The following CKAP2L variants were observed in gnomAD, a reference collection of about 807,000 sequenced individuals.
The protein encoded by CKAP2L is cytoskeleton associated protein 2L, also known as cytoskeleton-associated protein 2-like.
A neutral mutation model predicts 65.7 loss-of-function variants in CKAP2L; 42 were observed. That is an observed-to-expected ratio of 0.64 (90% CI 0.50 to 0.83). The LOEUF (loss-of-function observed/expected upper bound fraction) is 0.83, where lower values mean the gene tolerates loss of function less well. Among genes scored for constraint, CKAP2L ranks in the 40% least tolerant of loss-of-function variants. CKAP2L has a pLI of 0.00. For synonymous variants in CKAP2L, 325 were observed against 313.5 expected (o/e 1.04, Z -0.39); for missense variants, 908 against 871.0 (o/e 1.04, Z -0.53).
intron 5 of CKAP2L, among the ~76,000 whole-genome samples, chr2:112,749,401 T>C (rs1297286724): frequency 1.3e-5 from 2 of 152,236 alleles, no homozygotes; most frequent in Admixed American, 1.3e-4. Flanking sequence ...TTAATCACAG[T>C]GCCAGTGACA....
Position 112,746,577 on chromosome 2 carries a change from T to C in CKAP2L, c.1603-2A>G. 2.5e-6 allele frequency: 4 copies of C among 1,601,072 alleles called. No individual in the cohort carries two copies. Among genetic ancestry groups the C allele is most frequent in the Non-Finnish European group, 2.6e-6 (3 of 1,170,528 alleles). ...AAGTATTTCATTAGAAGGTACACCCTGAAATAAACCAAAATATCCAGAGGT... is the reference window on the plus strand; with the variant it reads ...AAGTATTTCATTAGAAGGTACACCCCGAAATAAACCAAAATATCCAGAGGT... On this transcript the variant is annotated splice_acceptor_variant, in intron 5 of 8. Coordinates refer to ENST00000302450, the MANE Select transcript of CKAP2L (RefSeq NM_152515.5). LOFTEE classifies it high-confidence loss of function.
At chr2:112,757,311 C>G in intron 3 of CKAP2L, 97 bp from the exon 4 acceptor site, 5 of 806,716 alleles carry the variant, frequency 6.2e-6, no homozygotes, top group Non-Finnish European at 7.2e-6. Context: ...AAAAAATAAT[C>G]ATTTTTAGAA....
At chr2:112,762,271 C>T (rs1680745815) in intron 2 of CKAP2L, among the ~76,000 whole-genome samples, 1 of 152,208 alleles carries the variant, frequency 6.6e-6, no homozygotes, top group African/African-American at 2.4e-5. Flanking sequence ...CCCTTCTTCC[C>T]TCCTTCCTTT....
At position 112,738,679 on chromosome 2, in the gene CKAP2L, AG is replaced by A; in HGVS notation, c.*143del. ...TTCCCATGGGGAGAGAAAATTTGAG[AG>A]TAAGCCCAGTGAATTACTTAAGTCC... On this transcript the variant is annotated 3_prime_UTR_variant, in exon 9 of 9. Transcript: ENST00000302450. 1 of 624,654 alleles carries A rather than the reference AG, an allele frequency of 1.6e-6. No individual in the cohort carries two copies. Among genetic ancestry groups the A allele is most frequent in the South Asian group, 2.0e-5 (1 of 49,456 alleles). The allele number at this position is 624,654 out of a possible 1,614,324, so 38.7% of individuals were successfully genotyped here.
Position 112,756,048 on chromosome 2 carries a change from A to C in CKAP2L, c.1323T>G (p.Ala441=). The C allele has an allele frequency of 6.2e-7, 1 of 1,613,414 alleles. No individual in the cohort carries two copies. The highest frequency in any genetic ancestry group is 2.2e-5 in the East Asian group (1 of 44,882). The change falls in exon 4 of 9, where the codon GCT becomes GCG. Residue 441 remains alanine (A), a synonymous_variant. Coordinates refer to ENST00000302450, the MANE Select transcript of CKAP2L (RefSeq NM_152515.5). ...GGGTCCCATTTACGGTTGTGACATC[A>C]GCTTGAGTTTTGGGAGCTGTCTTGT... ...FLNKTAPKTQ[A]DVTTVNGTQT...
intron 3 of CKAP2L, among the ~76,000 whole-genome samples, chr2:112,759,098 T>C (rs1383038684): frequency 6.6e-6 from 1 of 152,228 alleles, no homozygotes; most frequent in Non-Finnish European, 1.5e-5. Flanking sequence ...CTTTTTAAAA[T>C]TAACTTTTTT....
Position 112,756,346 on chromosome 2 carries a change from C to T in CKAP2L, c.1025G>A (p.Gly342Asp). The T allele has an allele frequency of 3.1e-6, 5 of 1,613,552 alleles. No homozygotes were observed. The highest frequency in any genetic ancestry group is 3.4e-6 in the Non-Finnish European group (4 of 1,179,734). ...KPRTYPSLLQ[G>D]EYNNRHPNIK... ...GTTTGGATGTCTGTTGTTATATTCA[C>T]CCTGAAGCAAACTGGGGTATGTTCT... Residue 342 changes from glycine to aspartate, a missense_variant, in exon 4 of 9, where the codon GGT becomes GAT. Transcript: ENST00000302450.
At chr2:112,747,343 T>C (rs1186318022) in intron 5 of CKAP2L, among the ~76,000 whole-genome samples, 2 of 131,398 alleles carry the variant, frequency 1.5e-5, no homozygotes, top group African/African-American at 6.4e-5. Context: ...CATTTTTACA[T>C]GGTACAAAAA....
rs762202417 is a variant in CKAP2L at position 112,756,038 on chromosome 2, T to C, written c.1333A>G (p.Thr445Ala). Residue 445 changes from threonine (T) to alanine (A), a missense_variant, in exon 4 of 9, where the codon ACC (threonine) becomes GCC (alanine). By Grantham distance (58) the Thr-to-Ala change is moderately conservative. Transcript: ENST00000302450. ...TAPKTQADVT[T>A]VNGTQTNPNI... ...GGGTTTGTTTGGGTCCCATTTACGG[T>C]TGTGACATCAGCTTGAGTTTTGGGA... is the stretch of plus-strand genomic sequence containing the variant. 3 of 1,612,700 alleles carry C rather than the reference T, an allele frequency of 1.9e-6. No individual in the cohort carries two copies. The highest frequency in any genetic ancestry group is 2.5e-6 in the Non-Finnish European group (3 of 1,179,690).
At chr2:112,755,687 A>AG (rs1680509561) in intron 4 of CKAP2L, among the ~76,000 whole-genome samples, 16 of 151,988 alleles carry the variant, frequency 1.1e-4, no homozygotes, top group Admixed American at 5.2e-4. Flanking sequence ...GAGTGTCTAC[A>AG]TCTGCACCCC....
At position 112,738,723 on chromosome 2, in the gene CKAP2L, C is replaced by T. The variant is rs1241488157; in HGVS notation, c.*100G>A. 5.4e-6 allele frequency: 4 copies of T among 744,350 alleles called. No homozygotes were observed. Among genetic ancestry groups the T allele is most frequent in the Non-Finnish European group, 9.1e-6 (4 of 439,786 alleles). The allele number at this position is 744,350 out of a possible 1,614,324, so 46.1% of individuals were successfully genotyped here. ...TTAAGTCCTGAGCGTCCATAATCTG[C>T]ATCCATGATGCCTCTCTTTTTTTCC... On this transcript the variant is annotated 3_prime_UTR_variant, in exon 9 of 9. Transcript: ENST00000302450.
chr2:112,736,635 G>C lies in CKAP2L; in HGVS notation c.*2188C>G, dbSNP rs1392052181. On this transcript the variant is annotated 3_prime_UTR_variant, in exon 9 of 9. Coordinates refer to ENST00000302450, the MANE Select transcript of CKAP2L (RefSeq NM_152515.5). ...CCAATCTGTGGTAAGCACTTTCTCT[G>C]TGTACTTGAGCTCTTTCTTAAAAAA... 2 of 152,112 alleles carry C rather than the reference G, an allele frequency of 1.3e-5. No individual in the cohort carries two copies. Among genetic ancestry groups the C allele is most frequent in the Non-Finnish European group, 2.9e-5 (2 of 68,026 alleles). 9.4% of individuals were successfully genotyped at this position (152,112 alleles called of 1,614,324 possible). A position where few individuals can be genotyped will look rare whatever the true frequency, so the allele number is the denominator to read the frequency against.
chr2:112,754,206 C>T (rs761823206), intron 4 of CKAP2L, among the ~76,000 whole-genome samples: 46 of 152,264 alleles, frequency 3.0e-4, no homozygotes, highest in Non-Finnish European at 5.3e-4. Context: ...ACCCCTAACG[C>T]CCCCCTCCTG....
intron 2 of CKAP2L, 87 bp from the exon 3 acceptor site, chr2:112,760,851 G>A: frequency 1.4e-6 from 1 of 700,346 alleles, no homozygotes; most frequent in Non-Finnish European, 2.5e-6. Context: ...ATTATGAATA[G>A]AATTTTAAAT....
At chr2:112,748,095 T>A (rs1380573128) in intron 5 of CKAP2L, among the ~76,000 whole-genome samples, 1 of 152,184 alleles carries the variant, frequency 6.6e-6, no homozygotes, top group Non-Finnish European at 1.5e-5. Context: ...CCAATATCCA[T>A]CTAAGAGAGT....
chr2:112,746,338 T>A, intron 6 of CKAP2L, 82 bp downstream of exon 6: 1 of 1,219,414 alleles, frequency 8.2e-7, no homozygotes, highest in African/African-American at 1.5e-5. Flanking sequence ...TGCAAACTTC[T>A]AACCATCATA....
chr2:112,754,707 C>T (rs1680479611), intron 4 of CKAP2L, among the ~76,000 whole-genome samples: 1 of 152,194 alleles, frequency 6.6e-6, no homozygotes, highest in African/African-American at 2.4e-5. Flanking sequence ...GACTCCTTCT[C>T]TTTTGTAATC....
Position 112,742,720 on chromosome 2 carries a change from T to C in CKAP2L, c.1808A>G (p.Asn603Ser). Residue 603 changes from asparagine to serine, a missense_variant, in exon 7 of 9, where the codon AAC (asparagine) becomes AGC (serine). Asn to Ser is a conservative substitution (Grantham distance 46, BLOSUM62 1). Coordinates refer to ENST00000302450, the MANE Select transcript of CKAP2L (RefSeq NM_152515.5). Reference protein sequence around the residue: ...KVVLNILQDSNRTTEGITSDS... With the variant: ...KVVLNILQDSSRTTEGITSDS... The stretch of plus-strand genomic sequence containing the variant: ...AATAATAGTACCTTCTGTGGTTCTG[T>C]TTGAGTCTTGCAAGATATTAAGAAC... The C allele has an allele frequency of 6.2e-7, 1 of 1,603,918 alleles. No homozygotes were observed. The highest frequency in any genetic ancestry group is 8.5e-7 in the Non-Finnish European group (1 of 1,172,406).
chr2:112,747,180 TC>T (rs1370848076), intron 5 of CKAP2L, among the ~76,000 whole-genome samples: 1 of 151,882 alleles, frequency 6.6e-6, no homozygotes, highest in Non-Finnish European at 1.5e-5. Context: ...AACCTCTACC[TC>T]CTGGGATCAA....
Sources: gnomAD v4.1 joint callset for allele counts (sites outside exome capture counted in the v4.1 genomes callset) on GRCh38, gnomAD v4.1.1 for gene constraint, MANE v1.5 for transcripts, NCBI Gene and HGNC (gene_info 2026-07-23, HGNC 2026-07-21) for gene names.